ERC2: variants seen among roughly 807,000 people sequenced by gnomAD.
The protein encoded by ERC2 is ELKS/RAB6-interacting/CAST family member 2.
A neutral mutation model predicts 114.8 loss-of-function variants in ERC2; 42 were observed. That is an observed-to-expected ratio of 0.37 (90% confidence interval 0.29 to 0.47). ERC2 has a LOEUF of 0.47. Among genes scored for constraint, ERC2 ranks in the 20% least tolerant of loss-of-function variants. The pLI is 0.99. For missense variants in ERC2, 939 were observed against 1,150.7 expected (o/e 0.82, Z 2.66); for synonymous variants, 454 against 425.5 (o/e 1.07, Z -0.82).
chr3:55,682,072 G>T (rs894099650), intron 17 of ERC2, among the ~76,000 whole-genome samples: 1 of 152,156 alleles, frequency 6.6e-6, no homozygotes, highest in African/African-American at 2.4e-5. Context: ...CATGTTTGAG[G>T]CAGGCTTCAT....
At chr3:56,129,486 G>A (rs971091098) in intron 6 of ERC2, among the ~76,000 whole-genome samples, 1 of 152,182 alleles carries the variant, frequency 6.6e-6, no homozygotes, top group African/African-American at 2.4e-5. Context: ...AGTAAAGAAT[G>A]TGAACTCGGG....
At chr3:55,818,032 G>A (rs995298275) in intron 14 of ERC2, among the ~76,000 whole-genome samples, 3 of 152,128 alleles carry the variant, frequency 2.0e-5, no homozygotes, top group South Asian at 2.1e-4. Context: ...CCTCTTTCAC[G>A]AGGCACCTCA....
chr3:56,233,958 T>C (rs1197168637), intron 3 of ERC2, among the ~76,000 whole-genome samples: 2 of 152,316 alleles, frequency 1.3e-5, no homozygotes, highest in East Asian at 3.9e-4. Flanking sequence ...GATAGTCTCC[T>C]CATCTTACAA....
intron 16 of ERC2, among the ~76,000 whole-genome samples, chr3:55,695,681 C>T (rs1055051157): frequency 2.0e-5 from 3 of 152,114 alleles, no homozygotes; most frequent in African/African-American, 7.2e-5. Context: ...CTTCCATTTT[C>T]GGTTGTGCAA....
At chr3:56,034,653 T>A (rs921958891) in intron 7 of ERC2, among the ~76,000 whole-genome samples, 26 of 152,128 alleles carry the variant, frequency 1.7e-4, no homozygotes, top group African/African-American at 5.1e-4. Flanking sequence ...CACAATAGTA[T>A]GAAATTAGAA....
At chr3:56,096,468 G>A (rs2078069627) in intron 6 of ERC2, among the ~76,000 whole-genome samples, 1 of 152,114 alleles carries the variant, frequency 6.6e-6, no homozygotes, top group African/African-American at 2.4e-5. Flanking sequence ...TATCTGAACA[G>A]CATAAATAGC....
intron 7 of ERC2, among the ~76,000 whole-genome samples, chr3:56,058,583 T>C (rs1196212008): frequency 1.3e-5 from 2 of 152,296 alleles, no homozygotes; most frequent in African/African-American, 2.4e-5. Flanking sequence ...ATGAAGTCAG[T>C]GGACTTTAAG....
At chr3:56,046,252 G>A (rs970238871) in intron 7 of ERC2, among the ~76,000 whole-genome samples, 12 of 152,156 alleles carry the variant, frequency 7.9e-5, no homozygotes, top group African/African-American at 1.9e-4. Context: ...CTAAGTTTCC[G>A]GTACTGAACT....
intron 3 of ERC2, among the ~76,000 whole-genome samples, chr3:56,201,627 G>A (rs1279194887): frequency 6.6e-6 from 1 of 152,190 alleles, no homozygotes; most frequent in African/African-American, 2.4e-5. Flanking sequence ...CCAGCCACCA[G>A]GGAAGGACTG....
At chr3:56,073,630 A>G (rs1377082184) in intron 7 of ERC2, among the ~76,000 whole-genome samples, 8 of 152,200 alleles carry the variant, frequency 5.3e-5, no homozygotes, top group Admixed American at 4.6e-4. Context: ...CTATGTGAAC[A>G]GCTCACTGCA....
intron 3 of ERC2, among the ~76,000 whole-genome samples, chr3:56,244,340 C>T (rs1490087739): frequency 2.0e-5 from 3 of 152,128 alleles, no homozygotes; most frequent in African/African-American, 4.8e-5. Context: ...ACTGGTTTAT[C>T]TATTTACTAT....
intron 14 of ERC2, among the ~76,000 whole-genome samples, chr3:55,788,572 T>C (rs1365234941): frequency 6.6e-6 from 1 of 152,124 alleles, no homozygotes; most frequent in Non-Finnish European, 1.5e-5. Flanking sequence ...TCGGATGATA[T>C]AGAGGCAGCA....
rs190162133 is a variant in ERC2 at position 55,887,113 on chromosome 3, A to G, written c.2564+1276T>C. On this transcript the variant is annotated intron_variant, in intron 14 of 17. Coordinates refer to ENST00000288221, the MANE Select transcript of ERC2 (RefSeq NM_015576.3). Reference sequence around the variant, plus strand: ...AGATAGCAGAAACGGAGGTTGAGGTAGAAAACTGGTTTTGTCATGGCCAGA... The same window carrying G: ...AGATAGCAGAAACGGAGGTTGAGGTGGAAAACTGGTTTTGTCATGGCCAGA... Among the ~76,000 whole-genome samples, 39 of 152,374 alleles carry G rather than the reference A, an allele frequency of 2.6e-4. No individual in the cohort carries two copies. The East Asian group carries it at 6.9e-3, about 27-fold the overall frequency.
chr3:55,689,042 T>G (rs771108698), intron 16 of ERC2, among the ~76,000 whole-genome samples: 71 of 152,254 alleles, frequency 4.7e-4, no homozygotes, highest in Non-Finnish European at 6.9e-4. Flanking sequence ...GATGTCCATA[T>G]TTTAAAAGAC....
intron 1 of ERC2, among the ~76,000 whole-genome samples, chr3:56,464,921 C>T (rs1280699566): frequency 4.0e-5 from 6 of 150,796 alleles, no homozygotes; most frequent in African/African-American, 1.5e-4. Context: ...CCTAGTAAAA[C>T]AAGCAAATGC....
chr3:56,230,767 G>C (rs2050568032), intron 3 of ERC2, among the ~76,000 whole-genome samples: 1 of 152,176 alleles, frequency 6.6e-6, no homozygotes, highest in Admixed American at 6.5e-5. Context: ...TAGAGTAGGA[G>C]AAAAAGATAA....
At chr3:56,124,022 T>G (rs1262489936) in intron 6 of ERC2, among the ~76,000 whole-genome samples, 1 of 152,202 alleles carries the variant, frequency 6.6e-6, no homozygotes, top group Non-Finnish European at 1.5e-5. Flanking sequence ...TATGAAAGTT[T>G]TATAAAATAA....
chr3:55,520,750 T>TATC (rs563421401), intron 17 of ERC2, among the ~76,000 whole-genome samples: 152 of 152,348 alleles, frequency 1.0e-3, no homozygotes, highest in African/African-American at 3.5e-3. Context: ...TAAGCCCTGT[T>TATC]ATCTTATTTT....
rs181398649 is a variant in ERC2 at position 56,370,655 on chromosome 3, C to T, written c.657+63696G>A. The stretch of plus-strand genomic sequence containing the variant: ...TGTCACCCAGGCTGTAGTGCAGTGG[C>T]GTGATCTTGGCTCACTGCAACCTCC... On this transcript the variant is annotated intron_variant, in intron 2 of 17. Coordinates refer to ENST00000288221, the MANE Select transcript of ERC2 (RefSeq NM_015576.3). 8.4e-4 allele frequency among the ~76,000 whole-genome samples: 120 copies of T among 143,396 alleles called. 1 individual carries two copies. The highest frequency in any genetic ancestry group is 1.8e-3 in the African/African-American group (70 of 37,860). The allele number at this position is 143,396 out of a possible 152,430, so 94.1% of individuals were successfully genotyped here. A position where few individuals can be genotyped will look rare whatever the true frequency, so the allele number is the denominator to read the frequency against.
Sources: gnomAD v4.1 joint callset for allele counts (sites outside exome capture counted in the v4.1 genomes callset) on GRCh38, gnomAD v4.1.1 for gene constraint, MANE v1.5 for transcripts, NCBI Gene and HGNC (gene_info 2026-07-23, HGNC 2026-07-21) for gene names.